Variants in SPAG16 observed in about 807,000 individuals in gnomAD.
SPAG16 encodes the protein sperm associated antigen 16.
A neutral mutation model predicts 80.4 loss-of-function variants in SPAG16; 86 were observed. The observed-to-expected ratio is 1.07, with a 90% CI of 0.90 to 1.28. The LOEUF is 1.28. SPAG16 is among the 50% of genes most tolerant of loss of function. The pLI is 0.00. For missense variants in SPAG16, 870 were observed against 765.3 expected (o/e 1.14, Z -1.61); for synonymous variants, 294 against 265.9 (o/e 1.11, Z -1.03).
intron 15 of SPAG16, among the ~76,000 whole-genome samples, chr2:214,340,838 C>G (rs544325250): frequency 6.6e-6 from 1 of 152,260 alleles, no homozygotes; most frequent in Non-Finnish European, 1.5e-5. Context: ...GTTTTCATCT[C>G]CACTCAGAAA....
At chr2:214,107,467 A>G (rs947566349) in intron 13 of SPAG16, among the ~76,000 whole-genome samples, 4 of 152,146 alleles carry the variant, frequency 2.6e-5, no homozygotes, top group African/African-American at 9.7e-5. Flanking sequence ...AGAGTCAAGA[A>G]TGCCCGTTGA....
Position 213,964,566 on chromosome 2 carries a change from T to G in SPAG16, c.1400+34421T>G, listed in dbSNP as rs985628592. ...CTATGCCATATATTGCCTTCTGAAC[T>G]CCATTGTTTCAGATAAGAGGTCAGC... On this transcript the variant is annotated intron_variant, in intron 12 of 15. Coordinates refer to ENST00000331683, the MANE Select transcript of SPAG16 (RefSeq NM_024532.5). Among the ~76,000 whole-genome samples the G allele has an allele frequency of 2.0e-5, 3 of 152,206 alleles. 1 individual carries two copies. The South Asian group carries it at 6.2e-4, about 32-fold the overall frequency.
intron 15 of SPAG16, among the ~76,000 whole-genome samples, chr2:214,166,813 C>G (rs551805101): frequency 6.6e-6 from 1 of 151,898 alleles, no homozygotes; most frequent in Non-Finnish European, 1.5e-5. Flanking sequence ...GAATATATAA[C>G]GAGTTTTCAA....
intron 8 of SPAG16, among the ~76,000 whole-genome samples, chr2:213,370,493 A>G (rs545000095): frequency 1.1e-4 from 16 of 152,340 alleles, no homozygotes; most frequent in African/African-American, 2.4e-4. Flanking sequence ...GTAATCAGAT[A>G]TAAATATTAA....
chr2:213,902,780 A>AGACAAGCAAAGTCCCTTCTGC (rs1335914139), intron 11 of SPAG16, among the ~76,000 whole-genome samples: 8 of 152,326 alleles, frequency 5.3e-5, no homozygotes, highest in Admixed American at 4.6e-4. Flanking sequence ...GTCTCATCTG[A>AGACAAGCAAAGTCCCTTCTGC]GACAAGCAAA....
chr2:214,115,859 A>G (rs1576256499), intron 14 of SPAG16, among the ~76,000 whole-genome samples: 1 of 145,436 alleles, frequency 6.9e-6, no homozygotes, highest in East Asian at 2.1e-4. Context: ...GCCTGGCGAC[A>G]GAGTGAGACT....
intron 10 of SPAG16, among the ~76,000 whole-genome samples, chr2:213,816,241 C>T (rs1310723605): frequency 3.3e-5 from 5 of 151,984 alleles, no homozygotes; most frequent in Middle Eastern, 3.2e-3. Flanking sequence ...CATTACATGC[C>T]GTTGTAGTTT....
At chr2:213,901,757 C>G (rs1038587966) in intron 11 of SPAG16, among the ~76,000 whole-genome samples, 1 of 152,042 alleles carries the variant, frequency 6.6e-6, no homozygotes, top group African/African-American at 2.4e-5. Context: ...CATACCCAAG[C>G]AGCAGACAAG....
chr2:213,516,036 G>C (rs1206764054), intron 10 of SPAG16, among the ~76,000 whole-genome samples: 1 of 152,184 alleles, frequency 6.6e-6, no homozygotes, highest in Non-Finnish European at 1.5e-5. Flanking sequence ...AGACTTGTGT[G>C]ATATATTGAT....
chr2:214,111,909 G>C (rs947837964), intron 14 of SPAG16, among the ~76,000 whole-genome samples: 2 of 152,096 alleles, frequency 1.3e-5, no homozygotes, highest in Admixed American at 1.3e-4. Context: ...GCTCATTCAT[G>C]ATTTGGTTTC....
chr2:214,181,872 C>G (rs1245410239), intron 15 of SPAG16, among the ~76,000 whole-genome samples: 1 of 151,794 alleles, frequency 6.6e-6, no homozygotes, highest in Admixed American at 6.6e-5. Context: ...ATGCCTCTTG[C>G]ATCACAGTGA....
chr2:213,950,836 G>A (rs2079731707), intron 12 of SPAG16, among the ~76,000 whole-genome samples: 1 of 150,010 alleles, frequency 6.7e-6, no homozygotes, highest in African/African-American at 2.5e-5. Flanking sequence ...AACCTTCTGA[G>A]TAGCTGGGAC....
chr2:213,520,991 C>T (rs993220304), intron 10 of SPAG16, among the ~76,000 whole-genome samples: 6 of 152,128 alleles, frequency 3.9e-5, no homozygotes, highest in Non-Finnish European at 8.8e-5. Context: ...ATGTCTGGGG[C>T]TGGGAGTGCC....
At chr2:213,463,294 T>G (rs2072484595) in intron 9 of SPAG16, among the ~76,000 whole-genome samples, 1 of 152,244 alleles carries the variant, frequency 6.6e-6, no homozygotes, top group South Asian at 2.1e-4. Flanking sequence ...AAGAAAAACC[T>G]ATTTTCTGGG....
intron 10 of SPAG16, among the ~76,000 whole-genome samples, chr2:213,529,090 T>A (rs898895439): frequency 2.0e-5 from 3 of 152,210 alleles, no homozygotes; most frequent in Non-Finnish European, 1.5e-5. Context: ...TAATTTTTAT[T>A]GACACATTAA....
intron 15 of SPAG16, among the ~76,000 whole-genome samples, chr2:214,358,952 C>T (rs1559240648): frequency 2.0e-5 from 3 of 151,786 alleles, no homozygotes; most frequent in African/African-American, 7.3e-5. Flanking sequence ...AATTTGCTAC[C>T]TTTTTTTCCT....
chr2:213,804,432 C>A (rs1575183095), intron 10 of SPAG16, among the ~76,000 whole-genome samples: 1 of 152,156 alleles, frequency 6.6e-6, no homozygotes, highest in African/African-American at 2.4e-5. Context: ...GCCTGTAATC[C>A]CAGCACTTTG....
chr2:214,247,913 A>G (rs1423224681), intron 15 of SPAG16, among the ~76,000 whole-genome samples: 1 of 152,004 alleles, frequency 6.6e-6, no homozygotes, highest in African/African-American at 2.4e-5. Flanking sequence ...CTATAATCCA[A>G]GCTACTCAGG....
At chr2:213,772,891 A>G (rs1575096725) in intron 10 of SPAG16, among the ~76,000 whole-genome samples, 1 of 152,254 alleles carries the variant, frequency 6.6e-6, no homozygotes, top group South Asian at 2.1e-4. Flanking sequence ...GCATAATTTT[A>G]TAATTTCACT....
Sources: allele counts gnomAD v4.1 joint callset (sites outside exome capture counted in the v4.1 genomes callset), GRCh38; gene constraint gnomAD v4.1.1; transcripts MANE v1.5; gene names NCBI Gene and HGNC (gene_info 2026-07-23, HGNC 2026-07-21).